The following RAB38 variants were observed in gnomAD, a reference collection of about 807,000 sequenced individuals.
RAB38 encodes the protein ras-related protein Rab-38.
In RAB38, 15 loss-of-function variants were observed where a neutral mutation model predicts 18.4. The ratio of observed to expected loss-of-function variants is 0.82; its 90% confidence interval spans 0.55 to 1.26. RAB38 has a LOEUF of 1.26. Among genes scored for constraint, RAB38 ranks in the 50% most tolerant of loss-of-function variants. The pLI, the probability that RAB38 is intolerant of heterozygous loss-of-function variation, is 0.00. For synonymous variants in RAB38, 101 were observed against 104.4 expected (o/e 0.97, Z 0.20); for missense variants, 294 against 267.4 (o/e 1.10, Z -0.69).
chr11:88,003,726 TAA>T, the RAB38 span, among the ~76,000 whole-genome samples: 4 of 11,804 alleles, frequency 3.4e-4, no homozygotes, highest in African/African-American at 1.5e-3. Flanking sequence ...ATATAATATA[TAA>T]TATATTGTAT....
the RAB38 span, among the ~76,000 whole-genome samples, chr11:87,846,745 G>C: frequency 6.6e-6 from 1 of 151,866 alleles, no homozygotes; most frequent in Non-Finnish European, 1.5e-5. Flanking sequence ...ATATATATTG[G>C]TCTCAAGTAC....
chr11:88,080,584 C>T, the RAB38 span, among the ~76,000 whole-genome samples: 1 of 151,548 alleles, frequency 6.6e-6, no homozygotes, highest in African/African-American at 2.4e-5. Context: ...CCAGAATACT[C>T]CAAACAATTA....
the RAB38 span, among the ~76,000 whole-genome samples, chr11:87,963,162 T>C: frequency 8.5e-5 from 13 of 152,188 alleles, no homozygotes; most frequent in Non-Finnish European, 1.5e-4. Context: ...ATATTAATTC[T>C]CTGAATTTTC....
intron 2 of RAB38, among the ~76,000 whole-genome samples, chr11:88,139,578 G>A (rs1045478809): frequency 5.9e-5 from 9 of 152,108 alleles, no homozygotes; most frequent in African/African-American, 1.7e-4. Context: ...ATATATAGTA[G>A]GTATTCAGAG....
At chr11:87,804,033 G>A in the RAB38 span, among the ~76,000 whole-genome samples, 2 of 152,164 alleles carry the variant, frequency 1.3e-5, no homozygotes, top group South Asian at 4.1e-4. Context: ...TTTTCACTCT[G>A]ATGCAACTTG....
the RAB38 span, among the ~76,000 whole-genome samples, chr11:87,933,325 C>T: frequency 9.2e-5 from 14 of 152,180 alleles, no homozygotes; most frequent in African/African-American, 3.1e-4. Context: ...TCCTCTGAGC[C>T]GTTCCTTGCC....
At chr11:87,934,644 T>G in the RAB38 span, among the ~76,000 whole-genome samples, 9 of 152,130 alleles carry the variant, frequency 5.9e-5, no homozygotes, top group Admixed American at 5.2e-4. Flanking sequence ...TTTCAGTCTG[T>G]ACATCTTCCA....
intron 2 of RAB38, among the ~76,000 whole-genome samples, chr11:88,126,510 T>C (rs549577480): frequency 6.6e-6 from 1 of 152,072 alleles, no homozygotes; most frequent in Non-Finnish European, 1.5e-5. Flanking sequence ...GTGAAAACAC[T>C]TGGACCCAGG....
the RAB38 span, among the ~76,000 whole-genome samples, chr11:88,008,195 CT>C: frequency 2.6e-5 from 4 of 152,022 alleles, no homozygotes. Flanking sequence ...CATTTGATAT[CT>C]ATATTTACTG....
chr11:88,030,764 A>G, the RAB38 span, among the ~76,000 whole-genome samples: 1 of 152,214 alleles, frequency 6.6e-6, no homozygotes, highest in African/African-American at 2.4e-5. Flanking sequence ...AGAGTCCAGG[A>G]CAAGATGGAT....
the RAB38 span, among the ~76,000 whole-genome samples, chr11:87,887,861 A>T: frequency 6.6e-6 from 1 of 151,962 alleles, no homozygotes; most frequent in Non-Finnish European, 1.5e-5. Context: ...AGCAAAATGT[A>T]ATAACAATAT....
chr11:87,816,431 A>G, the RAB38 span: 3 of 152,300 alleles, frequency 2.0e-5, no homozygotes, highest in South Asian at 2.1e-4. Context: ...TACTGTGGCA[A>G]TGGCTATTAA....
the RAB38 span, among the ~76,000 whole-genome samples, chr11:87,887,199 A>C: frequency 0.63 from 95,452 of 151,840 alleles, 32,702 homozygotes; most frequent in Non-Finnish European, 0.77. Context: ...TTTTCCAATT[A>C]TTGCAGTGAG....
the RAB38 span, among the ~76,000 whole-genome samples, chr11:87,976,057 G>A: frequency 0.21 from 32,007 of 150,240 alleles, 3,706 homozygotes; most frequent in African/African-American, 0.3. Flanking sequence ...GAAAGAAATA[G>A]AATTAACAAA....
At chr11:88,162,970 C>G (rs757640369) in intron 1 of RAB38, among the ~76,000 whole-genome samples, 14 of 152,082 alleles carry the variant, frequency 9.2e-5, no homozygotes, top group Non-Finnish European at 1.9e-4. Context: ...AAGGTTGTAC[C>G]CAAGCTCCAC....
chr11:87,818,062 C>T, the RAB38 span, among the ~76,000 whole-genome samples: 9 of 152,164 alleles, frequency 5.9e-5, no homozygotes, highest in Non-Finnish European at 1.2e-4. Context: ...TACTATTTCT[C>T]AAGCTTTGCA....
At position 88,175,187 on chromosome 11, in the gene RAB38, G is replaced by A. The variant is rs1043873855; in HGVS notation, c.198C>T (p.Ile66=). The A allele has an allele frequency of 6.2e-7, 1 of 1,605,174 alleles. No individual in the cohort carries two copies. The highest frequency in any genetic ancestry group is 8.5e-7 in the Non-Finnish European group (1 of 1,175,198). Residue 66 remains isoleucine (I), a synonymous_variant, in exon 1 of 3, where the codon ATC becomes ATT. Coordinates refer to ENST00000243662, the MANE Select transcript of RAB38 (RefSeq NM_022337.3). The part of the protein sequence containing the change: ...ETVVRLQLWD[I]AGQERFGNMT... The stretch of plus-strand genomic sequence containing the variant: ...ACCCCCTCCCCCCGCGCTCACCTGC[G>A]ATATCCCAGAGCTGCAGGCGCACCA...
At chr11:88,100,809 T>G in the RAB38 span, among the ~76,000 whole-genome samples, 2 of 151,872 alleles carry the variant, frequency 1.3e-5, no homozygotes, top group African/African-American at 4.8e-5. Flanking sequence ...ACAGGCAGGT[T>G]TTGTAGGAGC....
chr11:87,953,541 CTT>C, the RAB38 span, among the ~76,000 whole-genome samples: 4 of 150,458 alleles, frequency 2.7e-5, no homozygotes, highest in African/African-American at 7.5e-5. Flanking sequence ...TGTGGGCTCT[CTT>C]TGTCTGTCCT....
Sources: gnomAD v4.1 joint callset for allele counts (sites outside exome capture counted in the v4.1 genomes callset) on GRCh38, gnomAD v4.1.1 for gene constraint, MANE v1.5 for transcripts, NCBI Gene and HGNC (gene_info 2026-07-23, HGNC 2026-07-21) for gene names.